Variants in SGCD observed in about 807,000 individuals in gnomAD.
SGCD encodes the protein delta-sarcoglycan.
Under a neutral mutation model 36.6 loss-of-function variants are expected in SGCD, and 18 were observed. The ratio of observed to expected loss-of-function variants is 0.49; its 90% CI spans 0.34 to 0.73. The LOEUF (loss-of-function observed/expected upper bound fraction) is 0.73, where lower values mean the gene tolerates loss of function less well. SGCD is among the 30% of genes least tolerant of loss of function. The pLI is 0.01. For synonymous variants in SGCD, 133 were observed against 130.6 expected, an observed-to-expected ratio of 1.02 and a Z score of -0.12; for missense variants, 387 against 346.7, an observed-to-expected ratio of 1.12 and a Z score of -0.92.
the SGCD span, among the ~76,000 whole-genome samples, chr5:155,780,489 C>A: frequency 6.6e-6 from 1 of 152,150 alleles, no homozygotes; most frequent in Non-Finnish European, 1.5e-5. Flanking sequence ...TCCCCTGCTG[C>A]AGTATAAATG....
chr5:156,256,441 G>T (rs1017913576), intron 3 of SGCD, among the ~76,000 whole-genome samples: 1 of 152,202 alleles, frequency 6.6e-6, no homozygotes, highest in East Asian at 1.9e-4. Flanking sequence ...ACTCATTTAC[G>T]TAGTTCTCCT....
chr5:156,458,251 A>G (rs1581023603), intron 3 of SGCD: 4 of 630,688 alleles, frequency 6.3e-6, no homozygotes, highest in Non-Finnish European at 1.1e-5. Context: ...CCCAAATACC[A>G]AGACAGGCAT....
intron 3 of SGCD, among the ~76,000 whole-genome samples, chr5:156,202,351 A>C (rs1003040804): frequency 3.3e-5 from 5 of 152,292 alleles, no homozygotes; most frequent in South Asian, 4.1e-4. Flanking sequence ...ACTGTTTTAC[A>C]ATTTTAAATT....
chr5:155,806,480 A>G, the SGCD span, among the ~76,000 whole-genome samples: 1 of 152,092 alleles, frequency 6.6e-6, no homozygotes, highest in Non-Finnish European at 1.5e-5. Context: ...TGGAAATGCA[A>G]CTCCTCTTTA....
chr5:155,854,255 T>C, the SGCD span, among the ~76,000 whole-genome samples: 4 of 152,118 alleles, frequency 2.6e-5, no homozygotes, highest in South Asian at 4.1e-4. Flanking sequence ...CACCTTTTTT[T>C]CCACCAGTTG....
intron 4 of SGCD, among the ~76,000 whole-genome samples, chr5:156,561,051 GA>G (rs1482797128): frequency 6.6e-6 from 1 of 151,234 alleles, no homozygotes; most frequent in Non-Finnish European, 1.5e-5. Flanking sequence ...ATTCCAAGGG[GA>G]AAAAAATGCA....
At chr5:156,014,922 T>C (rs1241009931) in intron 1 of SGCD, among the ~76,000 whole-genome samples, 1 of 152,166 alleles carries the variant, frequency 6.6e-6, no homozygotes. Context: ...CAGAATACCA[T>C]GTAAGCGATG....
intron 3 of SGCD, among the ~76,000 whole-genome samples, chr5:156,184,541 G>A (rs970040614): frequency 4.6e-5 from 7 of 152,162 alleles, no homozygotes; most frequent in Admixed American, 4.6e-4. Context: ...TTTATTGATT[G>A]CTTCTTCCTT....
At chr5:156,587,198 A>T (rs2113361261) in intron 4 of SGCD, among the ~76,000 whole-genome samples, 2 of 152,264 alleles carry the variant, frequency 1.3e-5, no homozygotes, top group South Asian at 4.1e-4. Flanking sequence ...TTAGGAGGAA[A>T]GGTGAAAATA....
At chr5:156,640,213 A>G (rs1440152376) in intron 6 of SGCD, among the ~76,000 whole-genome samples, 1 of 151,986 alleles carries the variant, frequency 6.6e-6, no homozygotes, top group Non-Finnish European at 1.5e-5. Flanking sequence ...ATGAAATCTT[A>G]CTATCATAGA....
chr5:156,297,075 A>G lies in SGCD; in HGVS notation c.-43-32459A>G, dbSNP rs1045671903. 2.6e-5 allele frequency among the ~76,000 whole-genome samples: 4 copies of G among 151,948 alleles called. No homozygotes were observed. The East Asian group carries it at 7.7e-4, about 29-fold the overall frequency. ...ATATATTAGATATTTTGATACAGAC[A>G]TACAATGCATAATAATTACATCAGG... On this transcript the variant is annotated intron_variant, in intron 3 of 9. Transcript: ENST00000517913.
chr5:156,764,110 T>C lies in SGCD; in HGVS notation c.*4720T>C, dbSNP rs1757544592. On this transcript the variant is annotated 3_prime_UTR_variant, in exon 9 of 9. Coordinates refer to ENST00000337851, the MANE Select transcript of SGCD (RefSeq NM_000337.6). Reference sequence around the variant, plus strand: ...AGGAAACAGCTCCTGGAATGATACATTTGCATAGTGCCCTAGTAGCAGGTT... The same window carrying C: ...AGGAAACAGCTCCTGGAATGATACACTTGCATAGTGCCCTAGTAGCAGGTT... The C allele has an allele frequency of 6.6e-6, 1 of 152,264 alleles. No individual in the cohort carries two copies. The allele number at this position is 152,264 out of a possible 1,614,324, so 9.4% of individuals were successfully genotyped here. A position where few individuals can be genotyped will look rare whatever the true frequency, so the allele number is the denominator to read the frequency against.
intron 1 of SGCD, among the ~76,000 whole-genome samples, chr5:156,018,344 C>T (rs972551573): frequency 6.6e-6 from 1 of 152,132 alleles, no homozygotes; most frequent in Admixed American, 6.5e-5. Flanking sequence ...TTTATAACTA[C>T]ACTATCCCAT....
chr5:155,799,812 C>CTTTTT, the SGCD span, among the ~76,000 whole-genome samples: 35 of 58,788 alleles, frequency 6.0e-4, no homozygotes, highest in East Asian at 1.2e-3. Context: ...TCCTATTCCC[C>CTTTTT]TTTTTTTTTT....
intron 1 of SGCD, among the ~76,000 whole-genome samples, chr5:155,960,435 G>A (rs774305981): frequency 8.6e-5 from 13 of 152,018 alleles, no homozygotes; most frequent in Non-Finnish European, 1.9e-4. Context: ...GAGGCAAAGA[G>A]AGCTCAGGCC....
At chr5:155,935,282 CATTA>C (rs1757172639) in intron 1 of SGCD, among the ~76,000 whole-genome samples, 1 of 151,996 alleles carries the variant, frequency 6.6e-6, no homozygotes. Flanking sequence ...TTCATTTATT[CATTA>C]ATTAGTGTGT....
chr5:155,896,851 A>G (rs186352397), intron 1 of SGCD, among the ~76,000 whole-genome samples: 7 of 152,308 alleles, frequency 4.6e-5, no homozygotes, highest in African/African-American at 1.4e-4. Context: ...TTGGAAAAAC[A>G]ACACTAAAGT....
chr5:155,844,421 T>TTGTGTGTGTGTGTGTG, the SGCD span, among the ~76,000 whole-genome samples: 6,848 of 144,454 alleles, frequency 0.047, 192 homozygotes, highest in Middle Eastern at 0.096. Flanking sequence ...TGCTAAGGCT[T>TTGTGTGTGTGTGTGTG]TGTGTGTGTG....
intron 4 of SGCD, among the ~76,000 whole-genome samples, chr5:156,544,476 A>G (rs956867503): frequency 6.6e-6 from 1 of 152,096 alleles, no homozygotes; most frequent in Non-Finnish European, 1.5e-5. Context: ...CTCCTAGCCC[A>G]CTCCACCAAA....
Sources: allele counts gnomAD v4.1 joint callset (sites outside exome capture counted in the v4.1 genomes callset), GRCh38; gene constraint gnomAD v4.1.1; transcripts MANE v1.5; gene names NCBI Gene and HGNC (gene_info 2026-07-23, HGNC 2026-07-21).